PRKAA2: variants seen among roughly 807,000 people sequenced by gnomAD.
PRKAA2 encodes protein kinase AMP-activated catalytic subunit alpha 2.
PRKAA2 carries 40 observed loss-of-function variants against 56.3 expected under a neutral mutation model. The ratio of observed to expected loss-of-function variants is 0.71; its 90% confidence interval spans 0.55 to 0.92. The LOEUF (loss-of-function observed/expected upper bound fraction) is 0.92, where lower values mean the gene tolerates loss of function less well. PRKAA2 is among the 40% of genes least tolerant of loss of function. The probability of loss-of-function intolerance (pLI) is 0.00; values close to 1 mark genes in which losing one functional copy is unlikely to be tolerated. For synonymous variants in PRKAA2, 214 were observed against 234.2 expected (o/e 0.91, Z 0.79); for missense variants, 542 against 686.9 (o/e 0.79, Z 2.36).
At position 56,707,491 on chromosome 1, in the gene PRKAA2, G is replaced by C. The variant is rs1470029924; in HGVS notation, c.1437G>C (p.Gln479His). 1 of 1,614,130 alleles carries C rather than the reference G, an allele frequency of 6.2e-7. No homozygotes were observed. The highest frequency in any genetic ancestry group is 8.5e-7 in the Non-Finnish European group (1 of 1,180,000). The change falls in exon 9 of 9, where the codon CAG becomes CAC. Residue 479 changes from glutamine to histidine, a missense_variant. Gln to His is a conservative substitution (Grantham distance 24). Transcript: ENST00000371244. ...FKSIDDEVVE[Q>H]RSGSSTPQRS... is the part of the protein sequence containing the mutation. ...CCATTTCAGATGAAGTAGTGGAGCA[G>C]AGATCTGGTTCCTCAACACCTCAGC...
intron 1 of PRKAA2, among the ~76,000 whole-genome samples, chr1:56,665,101 C>T (rs1255353544): frequency 6.8e-6 from 1 of 146,084 alleles, no homozygotes; most frequent in Non-Finnish European, 1.5e-5. Flanking sequence ...TTTGAGACAG[C>T]GTCCAAAAAA....
intron 2 of PRKAA2, among the ~76,000 whole-genome samples, chr1:56,680,361 A>T (rs1227034513): frequency 1.3e-5 from 2 of 152,040 alleles, no homozygotes; most frequent in Non-Finnish European, 2.9e-5. Flanking sequence ...TAATTCAAAA[A>T]AATTTTTTTT....
chr1:56,668,391 G>A (rs999798826), intron 1 of PRKAA2, among the ~76,000 whole-genome samples: 24 of 141,346 alleles, frequency 1.7e-4, no homozygotes, highest in South Asian at 2.3e-4. Context: ...TTGTGCACAT[G>A]TACCCCAAAA....
chr1:56,679,134 G>A (rs1277511893), intron 2 of PRKAA2, among the ~76,000 whole-genome samples: 1 of 151,916 alleles, frequency 6.6e-6, no homozygotes, highest in East Asian at 1.9e-4. Flanking sequence ...TGTTTATTCT[G>A]AAAACTTTCC....
At chr1:56,666,963 T>C (rs1439277473) in intron 1 of PRKAA2, among the ~76,000 whole-genome samples, 1 of 152,144 alleles carries the variant, frequency 6.6e-6, no homozygotes, top group African/African-American at 2.4e-5. Flanking sequence ...AGAGCTTCTG[T>C]CCAACACCAT....
At chr1:56,688,251 T>G (rs952817472) in intron 2 of PRKAA2, among the ~76,000 whole-genome samples, 1 of 152,156 alleles carries the variant, frequency 6.6e-6, no homozygotes, top group Non-Finnish European at 1.5e-5. Flanking sequence ...GGAAATTTTA[T>G]TGGTTGAAGT....
intron 1 of PRKAA2, among the ~76,000 whole-genome samples, chr1:56,668,277 G>C (rs2746344): frequency 4.0e-5 from 5 of 125,888 alleles, no homozygotes; most frequent in East Asian, 2.5e-4. Flanking sequence ...GGTGGGGGGA[G>C]GGGGGAGGGA....
intron 5 of PRKAA2, among the ~76,000 whole-genome samples, chr1:56,694,234 T>TAA (rs1644245202): frequency 6.6e-6 from 1 of 152,200 alleles, no homozygotes; most frequent in African/African-American, 2.4e-5. Context: ...CATTGTTTTA[T>TAA]ATTTTGTGTT....
At chr1:56,663,343 T>G (rs1644009949) in intron 1 of PRKAA2, among the ~76,000 whole-genome samples, 1 of 152,178 alleles carries the variant, frequency 6.6e-6, no homozygotes, top group Non-Finnish European at 1.5e-5. Context: ...TCGCCCCTGT[T>G]TCCCAAAGTG....
chr1:56,661,099 G>A (rs1643990051), intron 1 of PRKAA2, among the ~76,000 whole-genome samples: 1 of 152,116 alleles, frequency 6.6e-6, no homozygotes, highest in Non-Finnish European at 1.5e-5. Flanking sequence ...ACATGAATGA[G>A]TTAAGGTTGC....
intron 6 of PRKAA2, among the ~76,000 whole-genome samples, chr1:56,700,241 C>T (rs967776765): frequency 6.6e-6 from 1 of 152,148 alleles, no homozygotes; most frequent in Non-Finnish European, 1.5e-5. Flanking sequence ...TAATGATCAG[C>T]TAGTGATTAG....
chr1:56,698,527 T>C (rs566760669), intron 6 of PRKAA2, among the ~76,000 whole-genome samples: 1 of 152,340 alleles, frequency 6.6e-6, no homozygotes, highest in South Asian at 2.1e-4. Flanking sequence ...TCTGTGTTTG[T>C]TGAAAATTAC....
At chr1:56,667,671 CATT>C (rs373869672) in intron 1 of PRKAA2, among the ~76,000 whole-genome samples, 3 of 152,166 alleles carry the variant, frequency 2.0e-5, no homozygotes, top group Admixed American at 1.3e-4. Flanking sequence ...CTCATACAGT[CATT>C]AAAAGCTTAA....
At chr1:56,680,605 G>C (rs543189570) in intron 2 of PRKAA2, among the ~76,000 whole-genome samples, 1 of 151,994 alleles carries the variant, frequency 6.6e-6, no homozygotes, top group African/African-American at 2.4e-5. Context: ...GAGAACATGC[G>C]GTGTTTGGTT....
At chr1:56,704,672 T>G (rs1343145916) in intron 7 of PRKAA2, among the ~76,000 whole-genome samples, 197 bp downstream of exon 7, 7 of 151,622 alleles carry the variant, frequency 4.6e-5, no homozygotes, top group African/African-American at 1.7e-4. Context: ...ATTATAGAAG[T>G]GTTCTTGGTC....
intron 1 of PRKAA2, among the ~76,000 whole-genome samples, 172 bp from the exon 2 acceptor site, chr1:56,674,209 A>G (rs1316700363): frequency 6.6e-6 from 1 of 152,214 alleles, no homozygotes; most frequent in Non-Finnish European, 1.5e-5. Flanking sequence ...GTCCTCAGAG[A>G]GTGCATACTC....
chr1:56,650,218 G>GT (rs1400383190), intron 1 of PRKAA2, among the ~76,000 whole-genome samples: 12 of 152,120 alleles, frequency 7.9e-5, no homozygotes, highest in Non-Finnish European at 1.5e-4. Context: ...GTTTTAATTT[G>GT]TTTTTTAAAA....
intron 1 of PRKAA2, 146 bp from the exon 2 acceptor site, chr1:56,674,232 TAGA>T (rs1644097700): frequency 3.6e-6 from 2 of 558,062 alleles, no homozygotes; most frequent in South Asian, 1.0e-4. Context: ...ATAGAAGAAA[TAGA>T]AGTAAAAAGA....
chr1:56,688,734 A>G (rs759987589), intron 2 of PRKAA2, among the ~76,000 whole-genome samples: 5 of 152,244 alleles, frequency 3.3e-5, no homozygotes, highest in Admixed American at 6.5e-5. Context: ...CCTAAGAGCA[A>G]TGGGAAACCT....
Sources: allele counts gnomAD v4.1 joint callset (sites outside exome capture counted in the v4.1 genomes callset), GRCh38; gene constraint gnomAD v4.1.1; transcripts MANE v1.5; gene names NCBI Gene and HGNC (gene_info 2026-07-23, HGNC 2026-07-21).